Variants in RALYL observed in about 807,000 individuals in gnomAD.
RALYL encodes RALY RNA binding protein like, also known as RNA-binding Raly-like protein.
In RALYL, 29 loss-of-function variants were observed where a neutral mutation model predicts 35.1. The observed-to-expected ratio is 0.83, with a 90% CI of 0.61 to 1.13. The LOEUF is 1.13. Ranked by LOEUF, RALYL falls within the 50% of genes most tolerant of loss-of-function variation. The pLI is 0.00. For synonymous variants in RALYL, 120 were observed against 127.6 expected (o/e 0.94, Z 0.40); for missense variants, 359 against 360.4 (o/e 1.00, Z 0.03).
At chr8:84,470,520 G>A (rs563099417) in intron 1 of RALYL, among the ~76,000 whole-genome samples, 88 of 151,980 alleles carry the variant, frequency 5.8e-4, no homozygotes, top group Non-Finnish European at 1.1e-3. Context: ...AACAAGAAAG[G>A]TATAAAATTA....
intron 5 of RALYL, among the ~76,000 whole-genome samples, chr8:84,853,332 G>A (rs937685075): frequency 1.3e-5 from 2 of 152,128 alleles, no homozygotes; most frequent in African/African-American, 2.4e-5. Context: ...ATTTAGAAAT[G>A]TTAGCTCAAT....
chr8:84,381,223 C>T (rs942392320), intron 1 of RALYL, among the ~76,000 whole-genome samples: 4 of 151,864 alleles, frequency 2.6e-5, no homozygotes, highest in Non-Finnish European at 1.5e-5. Context: ...ACAGAAGTCA[C>T]ATGCTCCTAT....
intron 1 of RALYL, among the ~76,000 whole-genome samples, chr8:84,449,581 G>A (rs1051600180): frequency 6.6e-6 from 1 of 151,926 alleles, no homozygotes; most frequent in Non-Finnish European, 1.5e-5. Context: ...TGGAAGCTTT[G>A]CTCCCCCTGA....
At chr8:84,683,449 G>T (rs1398250987) in intron 2 of RALYL, among the ~76,000 whole-genome samples, 1 of 152,106 alleles carries the variant, frequency 6.6e-6, no homozygotes, top group Non-Finnish European at 1.5e-5. Context: ...GGGTGTTAAA[G>T]TCTCCCATTA....
rs116517067 is a variant in RALYL at position 84,197,899 on chromosome 8, C to T, written c.-24+13475C>T. Among the ~76,000 whole-genome samples the T allele has an allele frequency of 7.5e-3, 1,136 of 152,062 alleles. 12 individuals carry two copies. The highest frequency in any genetic ancestry group is 0.026 in the African/African-American group (1,078 of 41,480). The stretch of plus-strand genomic sequence containing the variant: ...TTTGATGCCTTCTTCTCCCATTAGG[C>T]GATAGCTTTATGACAATACAGTTTA... On this transcript the variant is annotated intron_variant, in intron 1 of 8. Transcript: ENST00000521268.
chr8:84,605,655 A>G (rs1381188059), intron 2 of RALYL, among the ~76,000 whole-genome samples: 1 of 152,102 alleles, frequency 6.6e-6, no homozygotes, highest in Non-Finnish European at 1.5e-5. Flanking sequence ...TTATTAGTCC[A>G]TTTGCTCCAA....
intron 5 of RALYL, among the ~76,000 whole-genome samples, chr8:84,852,948 A>G (rs1586771338): frequency 6.6e-6 from 1 of 152,218 alleles, no homozygotes; most frequent in South Asian, 2.1e-4. Flanking sequence ...CTCTACTACA[A>G]GGGTTTGTGA....
intron 1 of RALYL, among the ~76,000 whole-genome samples, chr8:84,469,321 G>C (rs1168648205): frequency 1.1e-4 from 16 of 152,122 alleles, no homozygotes; most frequent in Admixed American, 6.5e-4. Flanking sequence ...ATGGGTTTTT[G>C]GTGTGGATGT....
At chr8:84,223,459 C>T (rs571653325) in intron 1 of RALYL, among the ~76,000 whole-genome samples, 1 of 152,106 alleles carries the variant, frequency 6.6e-6, no homozygotes, top group Non-Finnish European at 1.5e-5. Flanking sequence ...GGGCAAGGAC[C>T]ATGGTAGAAG....
chr8:84,907,902 T>C (rs1251237813), intron 8 of RALYL, among the ~76,000 whole-genome samples: 1 of 152,064 alleles, frequency 6.6e-6, no homozygotes, highest in Non-Finnish European at 1.5e-5. Context: ...AAAAACCCTG[T>C]GTTCCTGCTG....
intron 2 of RALYL, among the ~76,000 whole-genome samples, chr8:84,543,309 C>A (rs1295841266): frequency 6.6e-6 from 1 of 150,724 alleles, no homozygotes; most frequent in African/African-American, 2.4e-5. Flanking sequence ...AAATATTTTT[C>A]ATTACATATT....
intron 2 of RALYL, among the ~76,000 whole-genome samples, chr8:84,589,312 GTA>G (rs1219562801): frequency 6.6e-6 from 1 of 152,202 alleles, no homozygotes; most frequent in African/African-American, 2.4e-5. Context: ...GGAGAAAAAT[GTA>G]GCTTTTTTCT....
intron 4 of RALYL, among the ~76,000 whole-genome samples, chr8:84,833,325 T>G (rs1339457183): frequency 6.6e-6 from 1 of 152,060 alleles, no homozygotes; most frequent in Non-Finnish European, 1.5e-5. Flanking sequence ...ACACTAAAAA[T>G]CATTTAATGC....
At chr8:84,458,920 T>C (rs147720605) in intron 1 of RALYL, among the ~76,000 whole-genome samples, 1 of 151,720 alleles carries the variant, frequency 6.6e-6, no homozygotes, top group African/African-American at 2.4e-5. Context: ...ATGTATGTAC[T>C]TTTTTATTTA....
At chr8:84,764,132 C>T (rs1317843687) in intron 2 of RALYL, among the ~76,000 whole-genome samples, 3 of 152,176 alleles carry the variant, frequency 2.0e-5, no homozygotes, top group Non-Finnish European at 4.4e-5. Context: ...ACCTCATATA[C>T]CAAGAACGAA....
In RALYL at chr8:84,292,860, C is replaced by G. The variant is rs995206145; in HGVS notation, c.-24+108436C>G. Among the ~76,000 whole-genome samples the G allele has an allele frequency of 3.3e-5, 5 of 152,188 alleles. No homozygotes were observed. The East Asian group carries it at 9.7e-4, about 29-fold the overall frequency. ...CTATGGAGTAGCCATTCTTTTATTC[C>G]TTTACTTTCTTAATAAACTTGCTTT... On this transcript the variant is annotated intron_variant, in intron 1 of 8. Transcript: ENST00000521268.
intron 1 of RALYL, among the ~76,000 whole-genome samples, chr8:84,201,820 G>A (rs903719356): frequency 6.6e-6 from 1 of 151,988 alleles, no homozygotes; most frequent in Non-Finnish European, 1.5e-5. Context: ...TCCCACCTCA[G>A]CCTCCCAAAG....
At chr8:84,491,721 G>A (rs923822589) in intron 1 of RALYL, among the ~76,000 whole-genome samples, 22 of 151,896 alleles carry the variant, frequency 1.4e-4, no homozygotes, top group Admixed American at 7.9e-4. Flanking sequence ...AATGAATTTG[G>A]ATTTCTTGGA....
At chr8:84,665,983 T>C (rs1277269406) in intron 2 of RALYL, 1 of 151,986 alleles carries the variant, frequency 6.6e-6, no homozygotes, top group African/African-American at 2.4e-5. Context: ...CTAGACCACG[T>C]GTTTATTTTA....
Sources: allele counts gnomAD v4.1 joint callset (sites outside exome capture counted in the v4.1 genomes callset), GRCh38; gene constraint gnomAD v4.1.1; transcripts MANE v1.5; gene names NCBI Gene and HGNC (gene_info 2026-07-23, HGNC 2026-07-21).